PARN: variants seen among roughly 807,000 people sequenced by gnomAD.
PARN encodes the protein poly(A)-specific ribonuclease PARN.
PARN carries 71 observed loss-of-function variants against 102.8 expected under a neutral mutation model. The observed-to-expected ratio is 0.69, with a 90% CI of 0.57 to 0.84. The LOEUF (loss-of-function observed/expected upper bound fraction) is 0.84. Ranked by LOEUF, PARN falls within the 40% of genes least tolerant of loss-of-function variation. The pLI, the probability that PARN is intolerant of heterozygous loss-of-function variation, is 0.00. For missense variants in PARN, 782 were observed against 760.9 expected (o/e 1.03, Z -0.33); for synonymous variants, 261 against 252.9 (o/e 1.03, Z -0.30).
At chr16:14,441,756 C>G (rs565919358) in intron 23 of PARN, among the ~76,000 whole-genome samples, 101 of 152,336 alleles carry the variant, frequency 6.6e-4, no homozygotes, top group Middle Eastern at 3.4e-3. Flanking sequence ...TTAAAAGGCT[C>G]CTTGGGAGGC....
intron 18 of PARN, among the ~76,000 whole-genome samples, chr16:14,577,290 G>T (rs188877575): frequency 9.2e-5 from 14 of 152,296 alleles, no homozygotes; most frequent in African/African-American, 3.4e-4. Flanking sequence ...GGGTAACCAT[G>T]AAAAATGACA....
intron 21 of PARN, among the ~76,000 whole-genome samples, chr16:14,483,514 T>C (rs1029145709): frequency 6.6e-6 from 1 of 152,090 alleles, no homozygotes; most frequent in Admixed American, 6.5e-5. Flanking sequence ...CTATTGGAGG[T>C]GCTTTATTAT....
At chr16:14,513,034 C>T (rs1158590002) in intron 21 of PARN, among the ~76,000 whole-genome samples, 2 of 152,076 alleles carry the variant, frequency 1.3e-5, no homozygotes, top group African/African-American at 4.8e-5. Flanking sequence ...AAGCGATTCT[C>T]GTACCTCAGC....
chr16:14,570,622 C>A (rs1172388032), intron 18 of PARN, among the ~76,000 whole-genome samples: 1 of 149,544 alleles, frequency 6.7e-6, no homozygotes, highest in Non-Finnish European at 1.5e-5. Context: ...TGCACTCCAG[C>A]CTGGGCGACA....
At chr16:14,571,812 G>A (rs1437800739) in intron 18 of PARN, among the ~76,000 whole-genome samples, 3 of 152,194 alleles carry the variant, frequency 2.0e-5, no homozygotes, top group African/African-American at 7.2e-5. Context: ...CTGAGGTACA[G>A]GGAGGGTGAG....
At chr16:14,604,318 T>C (rs879882392) in intron 10 of PARN, 92 bp from the exon 11 acceptor site, 48 of 760,348 alleles carry the variant, frequency 6.3e-5, no homozygotes, top group East Asian at 2.2e-4. Flanking sequence ...TGGAGTGCAA[T>C]TGCATGATCT....
rs969373850 is a variant in PARN, at chr16:14,534,475, G to A, written c.1480+17546C>T. On this transcript the variant is annotated intron_variant, in intron 21 of 23. Coordinates refer to ENST00000437198, the MANE Select transcript of PARN (RefSeq NM_002582.4). Reference sequence around the variant, plus strand: ...GTGAACTTCAATATGCACTAAAAGCGATTCAAACTTATTTGGGGCATTAAT... The same window carrying A: ...GTGAACTTCAATATGCACTAAAAGCAATTCAAACTTATTTGGGGCATTAAT... Among the ~76,000 whole-genome samples the A allele has an allele frequency of 2.0e-5, 3 of 151,954 alleles. No homozygotes were observed. In the East Asian group the frequency reaches 5.8e-4, roughly 29 times the overall value.
intron 12 of PARN, among the ~76,000 whole-genome samples, chr16:14,599,540 G>C (rs1970750670): frequency 6.6e-6 from 1 of 152,088 alleles, no homozygotes; most frequent in Non-Finnish European, 1.5e-5. Context: ...TCTACTTAGG[G>C]AACAAAACAC....
chr16:14,489,288 T>G (rs1442971419), intron 21 of PARN, among the ~76,000 whole-genome samples: 1 of 152,032 alleles, frequency 6.6e-6, no homozygotes, highest in Non-Finnish European at 1.5e-5. Flanking sequence ...AGATGTGCAT[T>G]ACATTTTAAA....
Position 14,436,585 on chromosome 16 carries a change from CA to C in PARN, c.*131del. On this transcript the variant is annotated 3_prime_UTR_variant, in exon 24 of 24. Coordinates refer to ENST00000437198, the MANE Select transcript of PARN (RefSeq NM_002582.4). ...AAAATAAAACCTGTTTTCTCCCCCCCAGGAGACAACTTGGTTTCCAACCCCT... is the reference window on the plus strand; with the variant it reads ...AAAATAAAACCTGTTTTCTCCCCCCCGGAGACAACTTGGTTTCCAACCCCT... 1.5e-6 allele frequency: 1 copy of C among 653,582 alleles called. No homozygotes were observed. Among genetic ancestry groups the C allele is most frequent in the South Asian group, 1.9e-5 (1 of 53,222 alleles). 40.5% of individuals were successfully genotyped at this position (653,582 alleles called of 1,614,324 possible).
intron 22 of PARN, among the ~76,000 whole-genome samples, chr16:14,457,931 G>GGTGTGT (rs565874587): frequency 6.9e-6 from 1 of 145,608 alleles, no homozygotes; most frequent in Non-Finnish European, 1.5e-5. Context: ...TGTGTGTGTG[G>GGTGTGT]GTGTGTGTGT....
At chr16:14,587,136 A>G (rs1032337058) in intron 13 of PARN, among the ~76,000 whole-genome samples, 1 of 152,212 alleles carries the variant, frequency 6.6e-6, no homozygotes, top group African/African-American at 2.4e-5. Flanking sequence ...GCTGTTTCCA[A>G]TTAGCTTTTC....
At chr16:14,451,684 C>G (rs1265451356) in intron 22 of PARN, among the ~76,000 whole-genome samples, 2 of 151,312 alleles carry the variant, frequency 1.3e-5, no homozygotes, top group East Asian at 3.9e-4. Flanking sequence ...CGTTAATTCC[C>G]TGTGTCTTTA....
At position 14,435,808 on chromosome 16, in the gene PARN, G is replaced by T. The variant is rs1399424755; in HGVS notation, c.*909C>A. 1 of 151,878 alleles carries T rather than the reference G, an allele frequency of 6.6e-6. No homozygotes were observed. The highest frequency in any genetic ancestry group is 1.5e-5 in the Non-Finnish European group (1 of 68,004). 9.4% of individuals were successfully genotyped at this position (151,878 alleles called of 1,614,324 possible). A position where few individuals can be genotyped will look rare whatever the true frequency, so the allele number is the denominator to read the frequency against. ...TAACAATGATCTATCTGAAGCGGGT[G>T]GAGCAAAGCAGCGCCATGAGCGTTT... On this transcript the variant is annotated 3_prime_UTR_variant, in exon 24 of 24. Coordinates refer to ENST00000437198, the MANE Select transcript of PARN (RefSeq NM_002582.4).
chr16:14,628,028 A>C lies in PARN; in HGVS notation c.177+144T>G, dbSNP rs570090527. 7.1e-4 allele frequency: 461 copies of C among 653,538 alleles called. 2 individuals are homozygous for C. The highest frequency in any genetic ancestry group is 3.7e-3 in the South Asian group (214 of 57,960). 40.5% of individuals were successfully genotyped at this position (653,538 alleles called of 1,614,324 possible). ...GTCTCTAAAACAAGACAAAACAAAA[A>C]AAAAAATCACTTCATGGCTAGGTTT... On this transcript the variant is annotated intron_variant, in intron 3 of 23. Coordinates refer to ENST00000437198, the MANE Select transcript of PARN (RefSeq NM_002582.4).
In PARN at chr16:14,443,340, CTTTTTT is replaced by C. The variant is rs200799394; in HGVS notation, c.1864+3542_1864+3547del. On this transcript the variant is annotated intron_variant, in intron 23 of 23. Coordinates refer to ENST00000437198, the MANE Select transcript of PARN (RefSeq NM_002582.4). ...AAAAAGAACAGATATAAAGAGATTA[CTTTTTT>C]TTTTTTTTTTTGAGACAGAGTTTCG... is the stretch of plus-strand genomic sequence containing the variant. 5.0e-5 allele frequency among the ~76,000 whole-genome samples: 7 copies of C among 139,094 alleles called. No individual in the cohort carries two copies. In the South Asian group the frequency reaches 1.2e-3, roughly 23 times the overall value. 91.3% of individuals were successfully genotyped at this position (139,094 alleles called of 152,430 possible).
chr16:14,454,755 T>C (rs892298665), intron 22 of PARN, among the ~76,000 whole-genome samples: 1 of 152,220 alleles, frequency 6.6e-6, no homozygotes, highest in African/African-American at 2.4e-5. Context: ...GATTCAGAAA[T>C]GAGAAATTCA....
chr16:14,436,748 G>T lies in PARN; in HGVS notation c.1889C>A (p.Ala630Asp), dbSNP rs747977146. Residue 630 changes from alanine (A) to aspartate (D), a missense_variant, in exon 24 of 24, where the codon GCC (alanine) becomes GAC (aspartate). Transcript: ENST00000437198. ...PAGSISKNSP[A>D]TLFEVPDTW ...TGTGTCAGGAACTTCAAAGAGTGTG[G>T]CAGGGCTGTTCTTCGAGATGCTTCC... 1.1e-5 allele frequency: 18 copies of T among 1,598,326 alleles called. No homozygotes were observed. The South Asian group carries it at 1.9e-4, about 17-fold the overall frequency.
At chr16:14,554,496 T>C (rs1482720250) in intron 19 of PARN, among the ~76,000 whole-genome samples, 1 of 151,894 alleles carries the variant, frequency 6.6e-6, no homozygotes, top group Non-Finnish European at 1.5e-5. Context: ...AGTGGCACAA[T>C]AATAGCTCAC....
Sources: gnomAD v4.1 joint callset for allele counts (sites outside exome capture counted in the v4.1 genomes callset) on GRCh38, gnomAD v4.1.1 for gene constraint, MANE v1.5 for transcripts, NCBI Gene and HGNC (gene_info 2026-07-23, HGNC 2026-07-21) for gene names.